Variants in RALGAPA1 observed in about 807,000 individuals in gnomAD.
RALGAPA1 encodes the protein ral GTPase-activating protein subunit alpha-1.
In RALGAPA1, 52 loss-of-function variants were observed where a neutral mutation model predicts 269.6. The observed-to-expected ratio is 0.19, with a 90% CI of 0.15 to 0.24. The LOEUF is 0.24. Ranked by LOEUF, RALGAPA1 falls within the 10% of genes least tolerant of loss-of-function variation. The pLI is 1.00. For synonymous variants in RALGAPA1, 817 were observed against 1,008.3 expected, an observed-to-expected ratio of 0.81 and a Z score of 3.60; for missense variants, 1,917 against 3,013.9, an observed-to-expected ratio of 0.64 and a Z score of 8.52.
At position 35,726,150 on chromosome 14, in the gene RALGAPA1, G is replaced by C. The variant is rs76123893; in HGVS notation, c.1737-997C>G. On this transcript the variant is annotated intron_variant, in intron 13 of 41. Transcript: ENST00000680220. ...GTGGAACAGTCACTGTGAGAAATGT[G>C]GCAGGGGCGGCAACAGATCCTAGAT... Among the ~76,000 whole-genome samples, 8 of 152,262 alleles carry C rather than the reference G, an allele frequency of 5.3e-5. No individual in the cohort carries two copies. In the East Asian group the frequency reaches 1.5e-3, roughly 29 times the overall value.
In RALGAPA1 at chr14:35,804,779, T is replaced by G. The variant is rs1055621897; in HGVS notation, c.106+3951A>C. On this transcript the variant is annotated intron_variant, in intron 1 of 41. Coordinates refer to ENST00000680220, the MANE Select transcript of RALGAPA1 (RefSeq NM_001346249.2). ...GACCCCATCTCTACAAAAAAAAATT[T>G]TTTTTAATTGGCCATACACGGTGGT... is the stretch of plus-strand genomic sequence containing the variant. Among the ~76,000 whole-genome samples the G allele has an allele frequency of 3.3e-5, 5 of 149,618 alleles. No individual in the cohort carries two copies. The East Asian group carries it at 1.0e-3, about 31-fold the overall frequency.
chr14:35,621,513 G>T (rs1452522890), intron 35 of RALGAPA1, among the ~76,000 whole-genome samples: 5 of 152,126 alleles, frequency 3.3e-5, no homozygotes, highest in Admixed American at 2.0e-4. Context: ...ATTGACAAAT[G>T]GGATCTGATT....
intron 16 of RALGAPA1, among the ~76,000 whole-genome samples, chr14:35,712,073 G>A (rs1317395633): frequency 2.6e-5 from 4 of 151,504 alleles, no homozygotes; most frequent in African/African-American, 7.3e-5. Context: ...ATGGTGAAAC[G>A]CCATCTCTAC....
chr14:35,616,602 T>G (rs1002712737), intron 35 of RALGAPA1, among the ~76,000 whole-genome samples: 2 of 152,164 alleles, frequency 1.3e-5, no homozygotes, highest in Non-Finnish European at 2.9e-5. Context: ...ATGTAAGATG[T>G]AAATAATAGG....
intron 41 of RALGAPA1, among the ~76,000 whole-genome samples, chr14:35,545,337 G>A (rs1407875867): frequency 1.3e-5 from 2 of 151,664 alleles, no homozygotes; most frequent in East Asian, 3.9e-4. Flanking sequence ...TCTACATATG[G>A]GAATATAGAT....
chr14:35,671,290 G>T, intron 26 of RALGAPA1, 99 bp downstream of exon 26: 3 of 1,113,702 alleles, frequency 2.7e-6, no homozygotes, highest in South Asian at 2.5e-5. Flanking sequence ...CAATTAAATT[G>T]CAAAATTTCC....
chr14:35,770,002 T>C (rs1449684272), intron 4 of RALGAPA1, among the ~76,000 whole-genome samples: 2 of 152,236 alleles, frequency 1.3e-5, no homozygotes, highest in East Asian at 3.9e-4. Context: ...TACAATACAA[T>C]ATTCCTCATA....
chr14:35,710,770 T>C (rs1275684838), intron 16 of RALGAPA1, among the ~76,000 whole-genome samples: 1 of 152,218 alleles, frequency 6.6e-6, no homozygotes, highest in African/African-American at 2.4e-5. Flanking sequence ...ATACTTTATT[T>C]TTACTGTACC....
intron 37 of RALGAPA1, among the ~76,000 whole-genome samples, chr14:35,593,870 A>T (rs1229571742): frequency 6.6e-6 from 1 of 151,684 alleles, no homozygotes; most frequent in Non-Finnish European, 1.5e-5. Flanking sequence ...AAATAAATAA[A>T]ATATTATATT....
intron 10 of RALGAPA1, among the ~76,000 whole-genome samples, chr14:35,748,141 A>G (rs1204461466): frequency 1.3e-5 from 2 of 152,058 alleles, no homozygotes; most frequent in Non-Finnish European, 2.9e-5. Flanking sequence ...TAACAGGAGT[A>G]TAAGGGGAAA....
In RALGAPA1 at chr14:35,760,755, C is replaced by T. The variant is rs1057507037; in HGVS notation, c.547+74G>A. 2.0e-5 allele frequency: 22 copies of T among 1,084,154 alleles called. No individual in the cohort carries two copies. The African/African-American group carries it at 3.2e-4, about 16-fold the overall frequency. 67.2% of individuals were successfully genotyped at this position (1,084,154 alleles called of 1,614,324 possible). On this transcript the variant is annotated intron_variant, in intron 6 of 41. Transcript: ENST00000680220. ...ATTACCCAGTTAATGAATGCACAGA[C>T]ATTTGAAAAAATACACTAAGAGACT...
chr14:35,621,722 T>C (rs891266689), intron 35 of RALGAPA1, among the ~76,000 whole-genome samples: 4 of 152,182 alleles, frequency 2.6e-5, no homozygotes, highest in Admixed American at 2.6e-4. Context: ...CAGACACTTC[T>C]CAAAAGAAGA....
intron 31 of RALGAPA1, among the ~76,000 whole-genome samples, chr14:35,644,287 G>A (rs1411562337): frequency 6.6e-6 from 1 of 152,116 alleles, no homozygotes; most frequent in South Asian, 2.1e-4. Context: ...GACTATCTAG[G>A]CTATGTGTAA....
In RALGAPA1 at chr14:35,742,402, T is replaced by C. The variant is rs908761531; in HGVS notation, c.1415A>G (p.Asp472Gly). The C allele has an allele frequency of 6.2e-7, 1 of 1,602,850 alleles. No homozygotes were observed. The highest frequency in any genetic ancestry group is 2.2e-5 in the East Asian group (1 of 44,486). ...TTTTTCTCCTTCTTCCATTGAAATA[T>C]CATGGTCTGTGACATTTTCAATGCA... ...LPCIENVTDHDISMEEGEKRE... is the reference protein window; with the variant it reads ...LPCIENVTDHGISMEEGEKRE... Residue 472 changes from aspartate to glycine, a missense_variant, in exon 11 of 42, where the codon GAT becomes GGT. Asp to Gly is a moderately conservative substitution (Grantham distance 94, BLOSUM62 -1). Transcript: ENST00000680220.
chr14:35,798,706 A>G (rs1595597695), intron 1 of RALGAPA1, among the ~76,000 whole-genome samples: 1 of 152,228 alleles, frequency 6.6e-6, no homozygotes, highest in East Asian at 1.9e-4. Flanking sequence ...GAATAGAAAT[A>G]TCGGCTGGGC....
intron 35 of RALGAPA1, among the ~76,000 whole-genome samples, chr14:35,618,069 A>C (rs2139429883): frequency 6.6e-6 from 1 of 152,292 alleles, no homozygotes; most frequent in East Asian, 1.9e-4. Flanking sequence ...GGATGAAACA[A>C]ACTGAAAGAA....
At chr14:35,634,883 C>T in intron 32 of RALGAPA1, 126 bp from the exon 33 acceptor site, 1 of 969,348 alleles carries the variant, frequency 1.0e-6, no homozygotes, top group Admixed American at 3.2e-5. Flanking sequence ...TTTAAAACAT[C>T]AGGCCTGGCA....
intron 1 of RALGAPA1, among the ~76,000 whole-genome samples, chr14:35,781,762 T>C (rs2075448824): frequency 6.6e-6 from 1 of 152,000 alleles, no homozygotes; most frequent in Admixed American, 6.6e-5. Context: ...AGAAAAAACA[T>C]CTGACAAAAC....
rs71124708 is a variant in RALGAPA1, at chr14:35,600,232, CTTT to C, written c.7054-4446_7054-4444del. On this transcript the variant is annotated intron_variant, in intron 36 of 41. Transcript: ENST00000680220. ...TCCTTTTTTTTCTTTTTCTTTTTTT[CTTT>C]TTTTTTTTTTTTTTGAGACAGGGTC... Among the ~76,000 whole-genome samples, 49 of 86,936 alleles carry C rather than the reference CTTT, an allele frequency of 5.6e-4. 1 individual carries two copies. Among genetic ancestry groups the C allele is most frequent in the African/African-American group, 2.0e-3 (46 of 22,914 alleles). The allele number at this position is 86,936 out of a possible 152,430, so 57.0% of individuals were successfully genotyped here.
Sources: gnomAD v4.1 joint callset for allele counts (sites outside exome capture counted in the v4.1 genomes callset) on GRCh38, gnomAD v4.1.1 for gene constraint, MANE v1.5 for transcripts, NCBI Gene and HGNC (gene_info 2026-07-23, HGNC 2026-07-21) for gene names.